The following LEPROTL1 variants were observed in gnomAD, a reference collection of about 807,000 sequenced individuals.
LEPROTL1 encodes leptin receptor overlapping transcript-like 1.
In LEPROTL1, 6 loss-of-function variants were observed where a neutral mutation model predicts 15.4. The observed-to-expected ratio is 0.39, with a 90% CI of 0.21 to 0.77. The LOEUF is 0.77. Ranked by LOEUF, LEPROTL1 falls within the 30% of genes least tolerant of loss-of-function variation. LEPROTL1 has a pLI of 0.41. For synonymous variants in LEPROTL1, 56 were observed against 52.6 expected, an observed-to-expected ratio of 1.06 and a Z score of -0.28; for missense variants, 128 against 158.1, an observed-to-expected ratio of 0.81 and a Z score of 1.02.
In LEPROTL1 at chr8:30,106,297, A is replaced by G. The variant is rs139745665; in HGVS notation, c.*435A>G. 1.6e-3 allele frequency: 1,559 copies of G among 986,020 alleles called. 29 individuals are homozygous for G. The African/African-American group carries it at 0.026, about 16-fold the overall frequency. 61.1% of individuals were successfully genotyped at this position (986,020 alleles called of 1,614,324 possible). A position where few individuals can be genotyped will look rare whatever the true frequency, so the allele number is the denominator to read the frequency against. ...TATTTAGCCTCCATTATTACAAAAA[A>G]TTATAAAAATAAGTTTTCAGTCAGT... On this transcript the variant is annotated 3_prime_UTR_variant, in exon 4 of 4. Coordinates refer to ENST00000321250, the MANE Select transcript of LEPROTL1 (RefSeq NM_015344.3).
At chr8:30,102,792 G>T (rs1002848498) in intron 2 of LEPROTL1, among the ~76,000 whole-genome samples, 8 of 151,954 alleles carry the variant, frequency 5.3e-5, no homozygotes, top group African/African-American at 1.9e-4. Context: ...TTGCTAATAA[G>T]CACATAAAAA....
At chr8:30,117,860 A>G in intron 3 of LEPROTL1, 1 of 600,534 alleles carries the variant, frequency 1.7e-6, no homozygotes, top group Non-Finnish European at 2.9e-6. Context: ...AAGTTAGCAG[A>G]AGATTGATTA....
intron 4 of LEPROTL1, among the ~76,000 whole-genome samples, chr8:30,134,696 C>G (rs188048497): frequency 1.3e-5 from 2 of 151,926 alleles, no homozygotes; most frequent in Non-Finnish European, 2.9e-5. Flanking sequence ...TACAGGTGCA[C>G]GCCACCACGC....
At chr8:30,131,921 A>G (rs1343347603) in intron 3 of LEPROTL1, 5 of 1,529,958 alleles carry the variant, frequency 3.3e-6, no homozygotes, top group African/African-American at 1.4e-5. Flanking sequence ...TGGGTGTTTA[A>G]GGTGAAAGCC....
rs569106444 is a variant in LEPROTL1, at chr8:30,118,543, C to T, written c.280-13832C>T. Among the ~76,000 whole-genome samples, 26 of 152,188 alleles carry T rather than the reference C, an allele frequency of 1.7e-4. No homozygotes were observed. The East Asian group carries it at 4.6e-3, about 27-fold the overall frequency. On this transcript the variant is annotated intron_variant, in intron 3 of 4. Transcript: ENST00000442880. ...GATCTCCTGAAGGAGTGGCCTGCCC[C>T]TCCACACCGGTAGGTATATCTCGTC...
At position 30,107,765 on chromosome 8, in the gene LEPROTL1, G is replaced by A; in HGVS notation, c.*1903G>A. On this transcript the variant is annotated 3_prime_UTR_variant, in exon 4 of 4. Coordinates refer to ENST00000321250, the MANE Select transcript of LEPROTL1 (RefSeq NM_015344.3). ...TGATCTACTGGACTTTTTTTTGCAG[G>A]AAGTGCATTCTCTGGTCCTTCCCTA... 1.0e-6 allele frequency: 1 copy of A among 985,302 alleles called. No individual in the cohort carries two copies. The highest frequency in any genetic ancestry group is 1.2e-6 in the Non-Finnish European group (1 of 829,886). 61.0% of individuals were successfully genotyped at this position (985,302 alleles called of 1,614,324 possible).
intron 1 of LEPROTL1, among the ~76,000 whole-genome samples, chr8:30,100,552 C>T (rs757324532): frequency 1.5e-4 from 23 of 152,188 alleles, no homozygotes; most frequent in Non-Finnish European, 2.8e-4. Flanking sequence ...CGGGTTCAAG[C>T]AATTCTCCTG....
intron 4 of LEPROTL1, chr8:30,132,915 T>C (rs149423844): frequency 1.3e-6 from 2 of 1,496,740 alleles, no homozygotes; most frequent in Non-Finnish European, 8.9e-7. Flanking sequence ...ACCTGCAAGA[T>C]AATTTTTTAA....
chr8:30,132,757 T>C, intron 4 of LEPROTL1: 1 of 1,551,698 alleles, frequency 6.4e-7, no homozygotes, highest in African/African-American at 1.4e-5. Context: ...GTAGCTGAAA[T>C]AGGGCAGTGC....
intron 3 of LEPROTL1, chr8:30,117,898 A>G: frequency 1.9e-6 from 1 of 519,396 alleles, no homozygotes. Context: ...TTAGGTGGTT[A>G]TTTAAAATTA....
Position 30,104,436 on chromosome 8 carries a change from A to G in LEPROTL1, c.229A>G (p.Ile77Val), listed in dbSNP as rs1446093186. 1 of 1,612,516 alleles carries G rather than the reference A, an allele frequency of 6.2e-7. No individual in the cohort carries two copies. The highest frequency in any genetic ancestry group is 1.3e-5 in the African/African-American group (1 of 74,868). ...KELAIFLTTG[I>V]VVSAFGLPIV... ...ACTTGCCATCTTTCTTACAACGGGCATTGTCGTGTCAGCTTTTGGACTCCC... is the reference window on the plus strand; with the variant it reads ...ACTTGCCATCTTTCTTACAACGGGCGTTGTCGTGTCAGCTTTTGGACTCCC... The change falls in exon 3 of 4, where the codon ATT becomes GTT. Residue 77 changes from isoleucine (I) to valine (V), a missense_variant. Coordinates refer to ENST00000321250, the MANE Select transcript of LEPROTL1 (RefSeq NM_015344.3).
chr8:30,112,654 A>G (rs1055019792), downstream of LEPROTL1, among the ~76,000 whole-genome samples: 38 of 151,774 alleles, frequency 2.5e-4, no homozygotes, highest in African/African-American at 8.4e-4. Flanking sequence ...AGACCACCCA[A>G]CTTCTAGCTC....
At chr8:30,137,804 A>G (rs1803180877), downstream of LEPROTL1, 2 of 358,110 alleles carry the variant, frequency 5.6e-6, no homozygotes, top group Non-Finnish European at 1.0e-5. Flanking sequence ...CTGCCTTTGT[A>G]GGATTAACAA....
chr8:30,107,956 C>G lies in LEPROTL1; in HGVS notation c.*2094C>G, dbSNP rs1802597197. 3 of 984,540 alleles carry G rather than the reference C, an allele frequency of 3.0e-6. No homozygotes were observed. Among genetic ancestry groups the G allele is most frequent in the Non-Finnish European group, 3.6e-6 (3 of 829,282 alleles). The allele number at this position is 984,540 out of a possible 1,614,324, so 61.0% of individuals were successfully genotyped here. A position where few individuals can be genotyped will look rare whatever the true frequency, so the allele number is the denominator to read the frequency against. On this transcript the variant is annotated 3_prime_UTR_variant, in exon 4 of 4. Coordinates refer to ENST00000321250, the MANE Select transcript of LEPROTL1 (RefSeq NM_015344.3). The stretch of plus-strand genomic sequence containing the variant: ...CATAGTGCTGTCTCTGATTTCTAGG[C>G]TAGTTACTTGAGATATGAATTTTCC...
At chr8:30,112,918 T>C (rs1802676186), downstream of LEPROTL1, among the ~76,000 whole-genome samples, 1 of 152,034 alleles carries the variant, frequency 6.6e-6, no homozygotes, top group African/African-American at 2.4e-5. Flanking sequence ...TTTAACGATC[T>C]ACTGGACTAA....
rs372689323 is a variant in LEPROTL1, at chr8:30,104,431, C to T, written c.224C>T (p.Thr75Met). ...ACKELAIFLTTGIVVSAFGLP... is the reference protein window; with the variant it reads ...ACKELAIFLTMGIVVSAFGLP... ...AAGGAACTTGCCATCTTTCTTACAA[C>T]GGGCATTGTCGTGTCAGCTTTTGGA... Residue 75 changes from threonine (T) to methionine (M), a missense_variant, in exon 3 of 4, where the codon ACG becomes ATG. Thr to Met is a moderately conservative substitution (Grantham distance 81, BLOSUM62 -1). Transcript: ENST00000321250. 1.2e-4 allele frequency: 188 copies of T among 1,612,062 alleles called. No individual in the cohort carries two copies. The highest frequency in any genetic ancestry group is 1.5e-4 in the Non-Finnish European group (180 of 1,179,142).
chr8:30,108,004 A>G lies in LEPROTL1; in HGVS notation c.*2142A>G. ...TCCATAGAATATGCACTGATACAATATTACCATTCTTCTATGGAAAGAAAA... is the reference window on the plus strand; with the variant it reads ...TCCATAGAATATGCACTGATACAATGTTACCATTCTTCTATGGAAAGAAAA... On this transcript the variant is annotated 3_prime_UTR_variant, in exon 4 of 4. Transcript: ENST00000321250. 1 of 950,578 alleles carries G rather than the reference A, an allele frequency of 1.1e-6. No individual in the cohort carries two copies. The highest frequency in any genetic ancestry group is 1.3e-6 in the Non-Finnish European group (1 of 798,182). 58.9% of individuals were successfully genotyped at this position (950,578 alleles called of 1,614,324 possible). A position where few individuals can be genotyped will look rare whatever the true frequency, so the allele number is the denominator to read the frequency against.
chr8:30,101,991 C>T lies in LEPROTL1; in HGVS notation c.92+18C>T, dbSNP rs778010824. 3 of 1,522,766 alleles carry T rather than the reference C, an allele frequency of 2.0e-6. No homozygotes were observed. Among genetic ancestry groups the T allele is most frequent in the Non-Finnish European group, 2.7e-6 (3 of 1,113,190 alleles). 94.3% of individuals were successfully genotyped at this position (1,522,766 alleles called of 1,614,324 possible). ...ATATACAAGTATGTAAAATGTTTGTCTTTCTGAATATTTAAGGGTAAAATT... is the reference window on the plus strand; with the variant it reads ...ATATACAAGTATGTAAAATGTTTGTTTTTCTGAATATTTAAGGGTAAAATT... On this transcript the variant is annotated intron_variant, in intron 2 of 3. Coordinates refer to ENST00000321250, the MANE Select transcript of LEPROTL1 (RefSeq NM_015344.3).
intron 3 of LEPROTL1, chr8:30,131,754 C>G: frequency 1.7e-6 from 1 of 605,336 alleles, no homozygotes; most frequent in South Asian, 2.2e-5. Flanking sequence ...TTTTTGTATC[C>G]TCAGTACCAG....
Sources: gnomAD v4.1 joint callset for allele counts (sites outside exome capture counted in the v4.1 genomes callset) on GRCh38, gnomAD v4.1.1 for gene constraint, MANE v1.5 for transcripts, NCBI Gene and HGNC (gene_info 2026-07-23, HGNC 2026-07-21) for gene names.